Variants in ZNF320 observed in about 807,000 individuals in gnomAD.
ZNF320 encodes zinc finger gene 320.
ZNF320 carries 2 observed loss-of-function variants against 6.8 expected under a neutral mutation model. The ratio of observed to expected loss-of-function variants is 0.29; its 90% CI spans 0.12 to 0.93. The LOEUF (loss-of-function observed/expected upper bound fraction) is 0.93, where lower values mean the gene tolerates loss of function less well. ZNF320 is among the 40% of genes least tolerant of loss of function. The pLI, the probability that ZNF320 is intolerant of heterozygous loss-of-function variation, is 0.55. For missense variants in ZNF320, 472 were observed against 611.0 expected (o/e 0.77, Z 2.40); for synonymous variants, 208 against 203.2 (o/e 1.02, Z -0.20).
At chr19:52,896,835 C>T (rs2064488466) in intron 1 of ZNF320, among the ~76,000 whole-genome samples, 1 of 152,218 alleles carries the variant, frequency 6.6e-6, no homozygotes, top group African/African-American at 2.4e-5. Flanking sequence ...TCCGGAGTAA[C>T]AAAGGATCAA....
chr19:52,872,616 C>T (rs184692509), downstream of ZNF320, among the ~76,000 whole-genome samples: 76 of 152,266 alleles, frequency 5.0e-4, 1 homozygote, highest in African/African-American at 1.6e-3. Context: ...ATTCTCCTGC[C>T]TCAGCCTCCC....
At chr19:52,862,065 G>T in exon 6 of ZNF320, 1 of 375,020 alleles carries the variant, frequency 2.7e-6, no homozygotes. Context: ...AACGATGTCT[G>T]AAAACTTTGC....
chr19:52,860,087 A>T (rs1411754743), downstream of ZNF320, among the ~76,000 whole-genome samples: 2 of 151,778 alleles, frequency 1.3e-5, no homozygotes, highest in African/African-American at 2.4e-5. Flanking sequence ...TAATTTTTGG[A>T]ATTTTTAGTA....
chr19:52,862,839 G>T, exon 6 of ZNF320: 1 of 359,684 alleles, frequency 2.8e-6, no homozygotes, highest in South Asian at 2.6e-5. Flanking sequence ...ACATTTGTAA[G>T]GTTTCTCTCC....
exon 6 of ZNF320, chr19:52,864,119 A>C: frequency 3.0e-6 from 1 of 331,606 alleles, no homozygotes; most frequent in Middle Eastern, 4.5e-4. Context: ...CCACTCCAGC[A>C]AAGAGAACTC....
Position 52,881,759 on chromosome 19 carries a change from T to C in ZNF320, c.367A>G (p.Thr123Ala). 1 of 1,613,980 alleles carries C rather than the reference T, an allele frequency of 6.2e-7. No homozygotes were observed. The highest frequency in any genetic ancestry group is 8.5e-7 in the Non-Finnish European group (1 of 1,179,858). Residue 123 changes from threonine (T) to alanine (A), a missense_variant, in exon 6 of 6, where the codon ACA becomes GCA. Physicochemically the swap from Thr to Ala is moderately conservative, Grantham distance 58. Around this residue, in one of 2 missense-constraint regions of ZNF320, gnomAD observed 462 missense variants for 559.7 expected, o/e 0.83. Transcript: ENST00000682928. ...MTEIKKLTSS[T>A]DRYDQRHAGN... ...GCATGCCTTTGATCATATCGGTCTGTACTACTAGTCAACTTTTTTATTTCT... is the reference window on the plus strand; with the variant it reads ...GCATGCCTTTGATCATATCGGTCTGCACTACTAGTCAACTTTTTTATTTCT...
chr19:52,862,292 A>T, exon 6 of ZNF320: 1 of 625,494 alleles, frequency 1.6e-6, no homozygotes, highest in Non-Finnish European at 2.8e-6. Flanking sequence ...GGTGAATTCT[A>T]GTATGTCCTG....
upstream of ZNF320, among the ~76,000 whole-genome samples, chr19:52,902,191 C>T (rs1396700910): frequency 6.6e-6 from 1 of 152,192 alleles, no homozygotes; most frequent in Non-Finnish European, 1.5e-5. Flanking sequence ...TTTCAGGTCT[C>T]CAAGGAATGC....
exon 6 of ZNF320, among the ~76,000 whole-genome samples, chr19:52,861,505 G>A (rs1025414859): frequency 3.9e-5 from 6 of 152,170 alleles, no homozygotes; most frequent in African/African-American, 1.2e-4. Flanking sequence ...AAAACTGGCT[G>A]GGAAAAGTGG....
At chr19:52,895,626 CA>C (rs1467274892) in intron 1 of ZNF320, 1 of 152,068 alleles carries the variant, frequency 6.6e-6, no homozygotes, top group East Asian at 1.9e-4. Flanking sequence ...GCCTGGCCAA[CA>C]TGGTGAAACC....
At chr19:52,892,022 A>T (rs964206680) in intron 2 of ZNF320, 6 of 152,240 alleles carry the variant, frequency 3.9e-5, no homozygotes, top group Non-Finnish European at 7.3e-5. Context: ...CAAGAAAATT[A>T]TAGTAACATA....
rs567283481 is a variant in ZNF320, at chr19:52,887,144, CAG to C, written c.142+981_142+982del. The stretch of plus-strand genomic sequence containing the variant: ...TTTTGCCACAGAATTCTCCCACTTG[CAG>C]AGAGTTTCCCCACACACTATTTGAA... On this transcript the variant is annotated intron_variant, in intron 5 of 5. Coordinates refer to ENST00000682928, the MANE Select transcript of ZNF320 (RefSeq NM_001351774.2). 1.0e-3 allele frequency among the ~76,000 whole-genome samples: 159 copies of C among 152,278 alleles called. 1 individual carries two copies. Among genetic ancestry groups the C allele is most frequent in the African/African-American group, 3.7e-3 (153 of 41,552 alleles).
chr19:52,899,137 C>T (rs553769902), upstream of ZNF320, among the ~76,000 whole-genome samples: 6 of 152,212 alleles, frequency 3.9e-5, no homozygotes, highest in South Asian at 4.2e-4. Flanking sequence ...ACTAAGGTAG[C>T]GATGAAGCTT....
intron 5 of ZNF320, among the ~76,000 whole-genome samples, chr19:52,869,538 GT>G (rs1386450650): frequency 5.9e-5 from 9 of 151,502 alleles, no homozygotes; most frequent in Non-Finnish European, 1.2e-4. Context: ...ATAATGACAG[GT>G]TTTTTTTCTT....
downstream of ZNF320, among the ~76,000 whole-genome samples, chr19:52,859,711 A>G (rs980300368): frequency 8.5e-5 from 13 of 152,148 alleles, no homozygotes; most frequent in African/African-American, 3.1e-4. Flanking sequence ...ACTTCAAGGA[A>G]GGTTACTTTA....
At chr19:52,867,035 T>A (rs966347587) in intron 5 of ZNF320, among the ~76,000 whole-genome samples, 5 of 151,902 alleles carry the variant, frequency 3.3e-5, no homozygotes, top group African/African-American at 9.7e-5. Flanking sequence ...AAACATAGAA[T>A]GTGTACTGGG....
At chr19:52,862,462 T>C in exon 6 of ZNF320, 1 of 386,160 alleles carries the variant, frequency 2.6e-6, no homozygotes, top group South Asian at 2.1e-5. Context: ...CTGCAAGGTA[T>C]GAATGATGAC....
downstream of ZNF320, among the ~76,000 whole-genome samples, chr19:52,873,612 T>C (rs191512154): frequency 4.6e-5 from 7 of 152,246 alleles, no homozygotes; most frequent in East Asian, 1.3e-3. Flanking sequence ...TCTCTTTTAT[T>C]CCCCCACAAC....
At chr19:52,883,217 C>T (rs1432868360) in intron 5 of ZNF320, among the ~76,000 whole-genome samples, 5 of 151,636 alleles carry the variant, frequency 3.3e-5, no homozygotes, top group African/African-American at 1.2e-4. Context: ...AATTTTTATA[C>T]TTTTAATAGA....
Sources: gnomAD v4.1 joint callset for allele counts (sites outside exome capture counted in the v4.1 genomes callset) on GRCh38, gnomAD v4.1.1 for gene constraint, gnomAD v4.1.1 regional missense constraint, MANE v1.5 for transcripts, NCBI Gene and HGNC (gene_info 2026-07-23, HGNC 2026-07-21) for gene names.